Variants in MIS18A observed in about 807,000 individuals in gnomAD.
MIS18A encodes protein Mis18-alpha.
Under a neutral mutation model 25.0 loss-of-function variants are expected in MIS18A, and 14 were observed. That is an observed-to-expected ratio of 0.56 (90% CI 0.37 to 0.88). The LOEUF (loss-of-function observed/expected upper bound fraction) is 0.88. Ranked by LOEUF, MIS18A falls within the 40% of genes least tolerant of loss-of-function variation. The pLI is 0.00. For synonymous variants in MIS18A, 134 were observed against 118.6 expected, an observed-to-expected ratio of 1.13 and a Z score of -0.84; for missense variants, 292 against 290.8, an observed-to-expected ratio of 1.00 and a Z score of -0.03.
At chr21:32,200,795 C>T in the MIS18A span, among the ~76,000 whole-genome samples, 1 of 152,114 alleles carries the variant, frequency 6.6e-6, no homozygotes, top group Non-Finnish European at 1.5e-5. Context: ...CTCAACCATG[C>T]TCCTTATTCT....
At chr21:32,243,358 A>C in the MIS18A span, among the ~76,000 whole-genome samples, 1 of 152,224 alleles carries the variant, frequency 6.6e-6, no homozygotes. Flanking sequence ...CTAGAATATA[A>C]AAAGAACTAC....
At chr21:32,200,867 A>C in the MIS18A span, among the ~76,000 whole-genome samples, 7 of 152,326 alleles carry the variant, frequency 4.6e-5, no homozygotes, top group South Asian at 1.2e-3. Context: ...CTACTGCTTA[A>C]AACTCTCCTA....
chr21:32,251,534 G>A, the MIS18A span, among the ~76,000 whole-genome samples: 6 of 152,030 alleles, frequency 3.9e-5, no homozygotes, highest in African/African-American at 7.2e-5. Context: ...CCATGCCAGC[G>A]TCTAGGAAGC....
chr21:32,157,405 G>T, the MIS18A span, among the ~76,000 whole-genome samples: 1 of 151,630 alleles, frequency 6.6e-6, no homozygotes, highest in East Asian at 1.9e-4. Flanking sequence ...GTCCATTAGT[G>T]ATTGTTCAGT....
the MIS18A span, among the ~76,000 whole-genome samples, chr21:32,156,075 A>C: frequency 6.6e-6 from 1 of 151,068 alleles, no homozygotes. Flanking sequence ...AAATAATTTA[A>C]AAGAAAAAGA....
the MIS18A span, among the ~76,000 whole-genome samples, chr21:32,216,291 C>T: frequency 6.6e-6 from 1 of 152,290 alleles, no homozygotes; most frequent in South Asian, 2.1e-4. Context: ...TGAAAAATCT[C>T]AAAAACCTAG....
chr21:32,277,478 T>G (rs1245393373), intron 1 of MIS18A, among the ~76,000 whole-genome samples: 2 of 152,174 alleles, frequency 1.3e-5, no homozygotes, highest in African/African-American at 4.8e-5. Flanking sequence ...TTTTGAGACG[T>G]TGTCTCGCTC....
chr21:32,244,554 T>C, the MIS18A span, among the ~76,000 whole-genome samples: 1 of 151,950 alleles, frequency 6.6e-6, no homozygotes. Flanking sequence ...CTGGGCAACA[T>C]AGTGAAACCT....
chr21:32,201,852 A>T, the MIS18A span, among the ~76,000 whole-genome samples: 20 of 152,068 alleles, frequency 1.3e-4, no homozygotes, highest in African/African-American at 2.2e-4. Flanking sequence ...AAAATTTTTT[A>T]AAAAAATCCT....
chr21:32,194,993 A>G, the MIS18A span, among the ~76,000 whole-genome samples: 1 of 152,228 alleles, frequency 6.6e-6, no homozygotes, highest in Non-Finnish European at 1.5e-5. Flanking sequence ...TCTCCAGTCC[A>G]TAACATATTC....
At chr21:32,205,802 G>A in the MIS18A span, among the ~76,000 whole-genome samples, 1 of 152,164 alleles carries the variant, frequency 6.6e-6, no homozygotes, top group Non-Finnish European at 1.5e-5. Context: ...CTCTCAGCTT[G>A]TTAAGCAAGG....
chr21:32,269,817 C>G lies in MIS18A; in HGVS notation c.525-14G>C. ...CCTAAAACATAACTGAAGTACGGTA[C>G]AAGGTTAAAATACAAGCTGGGTGTG... On this transcript the variant is annotated splice_polypyrimidine_tract_variant and intron_variant, in intron 3 of 4. Coordinates refer to ENST00000290130, the MANE Select transcript of MIS18A (RefSeq NM_018944.3). The G allele has an allele frequency of 6.7e-7, 1 of 1,501,270 alleles. No homozygotes were observed. The highest frequency in any genetic ancestry group is 1.1e-5 in the South Asian group (1 of 88,594). The allele number at this position is 1,501,270 out of a possible 1,614,324, so 93.0% of individuals were successfully genotyped here.
chr21:32,235,243 C>A, the MIS18A span, among the ~76,000 whole-genome samples: 3 of 152,224 alleles, frequency 2.0e-5, no homozygotes, highest in African/African-American at 7.2e-5. Context: ...ATTGGAGGAT[C>A]TTCACCTGAG....
chr21:32,177,132 A>G, the MIS18A span, among the ~76,000 whole-genome samples: 1 of 152,188 alleles, frequency 6.6e-6, no homozygotes, highest in Non-Finnish European at 1.5e-5. Flanking sequence ...TTTATTCCAG[A>G]TAGACGATGC....
the MIS18A span, among the ~76,000 whole-genome samples, chr21:32,183,837 A>C: frequency 3.3e-5 from 5 of 152,322 alleles, no homozygotes; most frequent in Middle Eastern, 3.4e-3. Flanking sequence ...AGTGGTCACC[A>C]CTAAGGTTAC....
chr21:32,158,471 ATTT>A, the MIS18A span, among the ~76,000 whole-genome samples: 3 of 144,644 alleles, frequency 2.1e-5, no homozygotes, highest in African/African-American at 7.7e-5. Flanking sequence ...GATTATTATG[ATTT>A]TTTTTTTTTT....
chr21:32,228,121 C>G, the MIS18A span, among the ~76,000 whole-genome samples: 1 of 152,186 alleles, frequency 6.6e-6, no homozygotes, highest in African/African-American at 2.4e-5. Flanking sequence ...TGAAGTCTCT[C>G]TCTGTCACCC....
At position 32,278,699 on chromosome 21, in the gene MIS18A, T is replaced by C. The variant is rs774476211; in HGVS notation, c.316A>G (p.Asn106Asp). 20 of 1,568,354 alleles carry C rather than the reference T, an allele frequency of 1.3e-5. No homozygotes were observed. The African/African-American group carries it at 2.7e-4, about 21-fold the overall frequency. Residue 106 changes from asparagine (N) to aspartate (D), a missense_variant, in exon 1 of 5, where the codon AAC becomes GAC. Asn to Asp is a conservative substitution (Grantham distance 23). Transcript: ENST00000290130. ...LSWVASQEDTNCILLRCVSCN... is the reference protein window; with the variant it reads ...LSWVASQEDTDCILLRCVSCN... ...AACTGACAGCGAAGCAGGATGCAGTTGGTGTCCTCCTGGCTGGCCACCCAG... is the reference window on the plus strand; with the variant it reads ...AACTGACAGCGAAGCAGGATGCAGTCGGTGTCCTCCTGGCTGGCCACCCAG...
At chr21:32,164,143 C>G in the MIS18A span, among the ~76,000 whole-genome samples, 1 of 152,162 alleles carries the variant, frequency 6.6e-6, no homozygotes, top group East Asian at 1.9e-4. Context: ...CTAGCCCCCA[C>G]CTCCAACATT....
Sources: allele counts gnomAD v4.1 joint callset (sites outside exome capture counted in the v4.1 genomes callset), GRCh38; gene constraint gnomAD v4.1.1; transcripts MANE v1.5; gene names NCBI Gene and HGNC (gene_info 2026-07-23, HGNC 2026-07-21).